The following MEIOB variants were observed in gnomAD, a reference collection of about 807,000 sequenced individuals.
The protein encoded by MEIOB is meiosis specific with OB-fold.
Under a neutral mutation model 53.1 loss-of-function variants are expected in MEIOB, and 50 were observed. The ratio of observed to expected loss-of-function variants is 0.94; its 90% confidence interval spans 0.75 to 1.19. MEIOB has a LOEUF of 1.19. MEIOB is among the 50% of genes most tolerant of loss of function. The pLI is 0.00. For missense variants in MEIOB, 551 were observed against 550.8 expected (o/e 1.00, Z 0.00); for synonymous variants, 192 against 182.5 (o/e 1.05, Z -0.42).
In MEIOB at chr16:1,853,059, G is replaced by A; in HGVS notation, c.758C>T (p.Thr253Ile). ...NCMTATVISK[T>I]IITTNPDIPE... ...TTTACCTGGATTAGTTGTAATAATG[G>A]TTTTTGAGATTACAGTTGCTGTCAT... The change falls in exon 9 of 14, where the codon ACC becomes ATC. Residue 253 changes from threonine to isoleucine, a missense_variant. Thr to Ile is a moderately conservative substitution (Grantham distance 89). Transcript: ENST00000325962. 1 of 1,611,550 alleles carries A rather than the reference G, an allele frequency of 6.2e-7. No individual in the cohort carries two copies. Among genetic ancestry groups the A allele is most frequent in the Admixed American group, 1.7e-5 (1 of 59,946 alleles).
In MEIOB at chr16:1,857,754, A is replaced by C; in HGVS notation, c.509T>G (p.Val170Gly). ...ACTTACCGATTTCACAGCTGCAAGC[A>C]CGTTAATAATCCTCCCATTAAGACT... ...GHSLNGRIINVLAAVKSVGEP... is the reference protein window; with the variant it reads ...GHSLNGRIINGLAAVKSVGEP... Residue 170 changes from valine (V) to glycine (G), a missense_variant, in exon 6 of 14, where the codon GTG (valine) becomes GGG (glycine). Coordinates refer to ENST00000325962, the MANE Select transcript of MEIOB (RefSeq NM_001163560.3). 3 of 1,551,520 alleles carry C rather than the reference A, an allele frequency of 1.9e-6. No homozygotes were observed. Among genetic ancestry groups the C allele is most frequent in the African/African-American group, 1.4e-5 (1 of 73,178 alleles).
At chr16:1,870,979 T>C (rs1899726765) in intron 1 of MEIOB, among the ~76,000 whole-genome samples, 1 of 152,008 alleles carries the variant, frequency 6.6e-6, no homozygotes, top group African/African-American at 2.4e-5. Context: ...TCTCCACATT[T>C]TTACCCCTTA....
At chr16:1,864,178 C>T (rs1008344635) in intron 3 of MEIOB, among the ~76,000 whole-genome samples, 2 of 152,104 alleles carry the variant, frequency 1.3e-5, no homozygotes, top group Non-Finnish European at 2.9e-5. Flanking sequence ...TAATATAACT[C>T]AACATACATG....
intron 3 of MEIOB, among the ~76,000 whole-genome samples, 192 bp downstream of exon 3, chr16:1,865,578 TATATAGAG>T (rs1899573042): frequency 8.3e-6 from 1 of 120,692 alleles, no homozygotes; most frequent in Admixed American, 8.6e-5. Context: ...TGTATACATA[TATATAGAG>T]AGAGAGAGAG....
intron 9 of MEIOB, among the ~76,000 whole-genome samples, chr16:1,850,868 C>A (rs1282921415): frequency 6.6e-6 from 1 of 151,876 alleles, no homozygotes; most frequent in African/African-American, 2.4e-5. Flanking sequence ...TTGCAGTGAG[C>A]CGAGATCACG....
chr16:1,866,859 GC>G (rs1899606917), intron 2 of MEIOB, among the ~76,000 whole-genome samples: 1 of 152,076 alleles, frequency 6.6e-6, no homozygotes, highest in Non-Finnish European at 1.5e-5. Context: ...TTACAATCAG[GC>G]TTTTAAGACT....
chr16:1,856,451 C>T (rs1899307264), intron 6 of MEIOB, among the ~76,000 whole-genome samples: 1 of 152,030 alleles, frequency 6.6e-6, no homozygotes, highest in Admixed American at 6.6e-5. Flanking sequence ...TCCTGAGTAG[C>T]TGGGACTACA....
At chr16:1,869,134 C>A (rs2150826550) in intron 1 of MEIOB, among the ~76,000 whole-genome samples, 1 of 151,416 alleles carries the variant, frequency 6.6e-6, no homozygotes, top group African/African-American at 2.4e-5. Context: ...AACTTTTTTT[C>A]TTTTTTTGAG....
At chr16:1,837,722 A>T in intron 13 of MEIOB, 62 bp downstream of exon 13, 1 of 858,656 alleles carries the variant, frequency 1.2e-6, no homozygotes, top group Non-Finnish European at 1.8e-6. Context: ...GGTTTTTCTT[A>T]TGGTTTGAAT....
At chr16:1,870,963 G>T (rs1393925901) in intron 1 of MEIOB, among the ~76,000 whole-genome samples, 1 of 151,936 alleles carries the variant, frequency 6.6e-6, no homozygotes, top group Non-Finnish European at 1.5e-5. Flanking sequence ...TACACACCAA[G>T]GGATTTCTCC....
intron 10 of MEIOB, among the ~76,000 whole-genome samples, chr16:1,844,175 TAC>T (rs1228412790): frequency 2.0e-5 from 3 of 149,140 alleles, no homozygotes; most frequent in Non-Finnish European, 4.4e-5. Flanking sequence ...CAGACTGGAG[TAC>T]AGTGGTGTGA....
At chr16:1,834,432 A>G in intron 13 of MEIOB, 66 bp from the exon 14 acceptor site, 3 of 846,826 alleles carry the variant, frequency 3.5e-6, no homozygotes, top group Non-Finnish European at 5.9e-6. Context: ...TATCAAGTTG[A>G]AAAATCAATG....
intron 4 of MEIOB, among the ~76,000 whole-genome samples, chr16:1,861,695 A>C (rs112534245): frequency 0.038 from 5,826 of 151,874 alleles, 380 homozygotes; most frequent in African/African-American, 0.13. Flanking sequence ...GGCCCACGCC[A>C]CCACACCCAG....
chr16:1,842,969 CT>C (rs1190657733), intron 10 of MEIOB, among the ~76,000 whole-genome samples: 1 of 108,046 alleles, frequency 9.3e-6, no homozygotes, highest in African/African-American at 3.4e-5. Flanking sequence ...GCGACACTGA[CT>C]CAATTTTTTA....
intron 6 of MEIOB, among the ~76,000 whole-genome samples, chr16:1,855,526 A>T (rs1033791117): frequency 6.6e-6 from 1 of 152,192 alleles, no homozygotes; most frequent in African/African-American, 2.4e-5. Flanking sequence ...AAGTGACGTG[A>T]CACATGAAAG....
chr16:1,866,796 T>C (rs957274510), intron 2 of MEIOB, among the ~76,000 whole-genome samples: 3 of 152,204 alleles, frequency 2.0e-5, no homozygotes, highest in South Asian at 4.1e-4. Context: ...ACTAAACTTA[T>C]TTTGCTAATT....
At chr16:1,861,535 CTTTTTTTTTTTT>C (rs59561016) in intron 4 of MEIOB, among the ~76,000 whole-genome samples, 1 of 89,106 alleles carries the variant, frequency 1.1e-5, no homozygotes, top group Admixed American at 1.4e-4. Context: ...GCATTGCAGT[CTTTTTTTTTTTT>C]TTTTTTTTTT....
chr16:1,870,028 C>A (rs1235707448), intron 1 of MEIOB, among the ~76,000 whole-genome samples: 1 of 151,926 alleles, frequency 6.6e-6, no homozygotes, highest in Non-Finnish European at 1.5e-5. Flanking sequence ...TGTGTCACCT[C>A]ACCCAGCTAA....
intron 13 of MEIOB, among the ~76,000 whole-genome samples, chr16:1,836,341 G>C (rs112455981): frequency 6.6e-6 from 1 of 152,270 alleles, no homozygotes; most frequent in African/African-American, 2.4e-5. Context: ...ATCCACTTGA[G>C]GGTCATTCAT....
Sources: allele counts gnomAD v4.1 joint callset (sites outside exome capture counted in the v4.1 genomes callset), GRCh38; gene constraint gnomAD v4.1.1; transcripts MANE v1.5; gene names NCBI Gene and HGNC (gene_info 2026-07-23, HGNC 2026-07-21).